The following SIPA1L3 variants were observed in gnomAD, a reference collection of about 807,000 sequenced individuals.
SIPA1L3 encodes the protein signal induced proliferation associated 1 like 3.
In SIPA1L3, 59 loss-of-function variants were observed where a neutral mutation model predicts 150.1. That is an observed-to-expected ratio of 0.39 (90% CI 0.32 to 0.49). The LOEUF is 0.49. Ranked by LOEUF, SIPA1L3 falls within the 20% of genes least tolerant of loss-of-function variation. The pLI, the probability that SIPA1L3 is intolerant of heterozygous loss-of-function variation, is 0.86. For synonymous variants in SIPA1L3, 1,070 were observed against 1,077.6 expected (o/e 0.99, Z 0.14); for missense variants, 2,211 against 2,489.5 (o/e 0.89, Z 2.38).
chr19:37,988,203 G>A (rs1283014260), intron 1 of SIPA1L3, among the ~76,000 whole-genome samples: 1 of 152,180 alleles, frequency 6.6e-6, no homozygotes. Flanking sequence ...CATGGGATCT[G>A]GAGTACCAGC....
At chr19:37,969,895 AT>A (rs1431727275) in intron 1 of SIPA1L3, among the ~76,000 whole-genome samples, 1 of 152,162 alleles carries the variant, frequency 6.6e-6, no homozygotes, top group African/African-American at 2.4e-5. Flanking sequence ...TTATCATAAT[AT>A]TTAATTACAC....
intron 1 of SIPA1L3, among the ~76,000 whole-genome samples, chr19:37,946,295 C>A (rs1444825460): frequency 6.7e-6 from 1 of 149,328 alleles, no homozygotes; most frequent in Non-Finnish European, 1.5e-5. Context: ...CCTCCCCACA[C>A]TTTTTTTTGT....
intron 12 of SIPA1L3, among the ~76,000 whole-genome samples, chr19:38,146,400 A>G (rs1971704990): frequency 6.6e-6 from 1 of 152,182 alleles, no homozygotes; most frequent in African/African-American, 2.4e-5. Flanking sequence ...CTTTGAATCT[A>G]TGCTGCTGGG....
intron 14 of SIPA1L3, among the ~76,000 whole-genome samples, chr19:38,163,255 C>T (rs943402544): frequency 2.6e-5 from 4 of 152,100 alleles, no homozygotes; most frequent in African/African-American, 7.2e-5. Context: ...TTTAGGAGGC[C>T]AAGGCGGACG....
Position 38,164,858 on chromosome 19 carries a change from C to T in SIPA1L3, c.4160C>T (p.Thr1387Ile). 1 of 1,585,174 alleles carries T rather than the reference C, an allele frequency of 6.3e-7. No homozygotes were observed. ...RPKLYSSGSS[T>I]PTGLAGGSRD... ...AAGCTGTACTCCTCCGGCTCCAGCA[C>T]CCCCACGGGACTGGCGGGGGGCAGC... The change falls in exon 15 of 22, where the codon ACC becomes ATC. Residue 1387 changes from threonine to isoleucine, a missense_variant. This residue lies in a region of SIPA1L3 where 806 missense variants were observed against 870.1 expected (regional missense o/e 0.93). Transcript: ENST00000222345. This position sits in a 1 kb window ranked among gnomAD's most constrained non-coding sequence, Gnocchi z 4.1.
chr19:38,112,221 A>G (rs574465368), intron 8 of SIPA1L3, among the ~76,000 whole-genome samples: 4 of 149,666 alleles, frequency 2.7e-5, no homozygotes, highest in South Asian at 4.3e-4. Flanking sequence ...ACACATGCAC[A>G]TAACACATGC....
intron 2 of SIPA1L3, among the ~76,000 whole-genome samples, chr19:38,032,947 G>A (rs1298197677): frequency 2.0e-5 from 3 of 152,188 alleles, no homozygotes; most frequent in East Asian, 1.9e-4. Flanking sequence ...AAGCAGGGAA[G>A]GGGACTGGCC....
intron 1 of SIPA1L3, among the ~76,000 whole-genome samples, chr19:37,919,187 C>G (rs2046437770): frequency 1.3e-5 from 2 of 152,140 alleles, no homozygotes; most frequent in South Asian, 2.1e-4. Context: ...GGCCTTCTAC[C>G]TAAACAGGGC....
At chr19:38,166,749 G>A (rs957102568) in intron 15 of SIPA1L3, among the ~76,000 whole-genome samples, 1 of 151,948 alleles carries the variant, frequency 6.6e-6, no homozygotes, top group Non-Finnish European at 1.5e-5. Context: ...CTGAGTCCCC[G>A]ATAGCCATCA....
intron 1 of SIPA1L3, among the ~76,000 whole-genome samples, chr19:38,008,684 G>A (rs1444167971): frequency 6.6e-6 from 1 of 152,014 alleles, no homozygotes; most frequent in African/African-American, 2.4e-5. Flanking sequence ...AGCCTCTTGA[G>A]TAGCTGTGAC....
At position 38,083,034 on chromosome 19, in the gene SIPA1L3, G is replaced by A. The variant is rs770839637; in HGVS notation, c.1469G>A (p.Arg490Gln). ...CAGCAGCGGACGCAGAGTCGGCCCC[G>A]GCAGTACAGCATCGAGCATGTGGAC... ...KEQQRTQSRP[R>Q]QYSIEHVDLG... Residue 490 changes from arginine (R) to glutamine (Q), a missense_variant, in exon 3 of 22, where the codon CGG becomes CAG. This residue lies in a region of SIPA1L3 where 625 missense variants were observed against 804.2 expected (regional missense o/e 0.78). Coordinates refer to ENST00000222345, the MANE Select transcript of SIPA1L3 (RefSeq NM_015073.3). 6 of 1,613,132 alleles carry A rather than the reference G, an allele frequency of 3.7e-6. No individual in the cohort carries two copies. The highest frequency in any genetic ancestry group is 2.2e-5 in the South Asian group (2 of 91,076).
At chr19:38,006,050 A>G (rs1392982624) in intron 1 of SIPA1L3, among the ~76,000 whole-genome samples, 1 of 152,190 alleles carries the variant, frequency 6.6e-6, no homozygotes, top group African/African-American at 2.4e-5. Context: ...AGAAAAATAA[A>G]AGCACCCAGA....
chr19:38,072,920 G>A (rs1400813974), intron 2 of SIPA1L3, among the ~76,000 whole-genome samples: 1 of 152,176 alleles, frequency 6.6e-6, no homozygotes, highest in African/African-American at 2.4e-5. Flanking sequence ...CTTGCTTGTC[G>A]CAGGGGCAAT....
At chr19:38,193,901 A>C in intron 18 of SIPA1L3, 121 bp downstream of exon 18, 59 of 1,145,242 alleles carry the variant, frequency 5.2e-5, no homozygotes, top group Middle Eastern at 3.0e-4. Context: ...GGGCCATCTC[A>C]GGGAGGAATG....
chr19:38,104,661 T>C (rs1017776276), intron 6 of SIPA1L3, among the ~76,000 whole-genome samples: 6 of 152,180 alleles, frequency 3.9e-5, no homozygotes, highest in Middle Eastern at 3.4e-3. Flanking sequence ...AACCTTCACC[T>C]CCTGGTTTCA....
At chr19:38,005,553 C>T (rs1402309844) in intron 1 of SIPA1L3, among the ~76,000 whole-genome samples, 1 of 152,148 alleles carries the variant, frequency 6.6e-6, no homozygotes, top group African/African-American at 2.4e-5. Flanking sequence ...CAGGGGGTTG[C>T]TCCGAAGCCC....
chr19:38,121,337 C>CTGG (rs1325108760), intron 9 of SIPA1L3, among the ~76,000 whole-genome samples: 1 of 151,720 alleles, frequency 6.6e-6, no homozygotes, highest in East Asian at 1.9e-4. Context: ...ACTTGGGAGG[C>CTGG]TGAGGCAGGA....
chr19:38,206,320 G>C lies in SIPA1L3; in HGVS notation c.*80G>C, dbSNP rs896081281. ...CCTCTCTCCCTCCACTCAGCTCCCA[G>C]CTGCCGGTGTGACCAAGATGACCCA... On this transcript the variant is annotated 3_prime_UTR_variant, in exon 22 of 22. Transcript: ENST00000222345. 4 of 1,460,434 alleles carry C rather than the reference G, an allele frequency of 2.7e-6. No homozygotes were observed. The highest frequency in any genetic ancestry group is 1.8e-6 in the Non-Finnish European group (2 of 1,094,042). The allele number at this position is 1,460,434 out of a possible 1,614,324, so 90.5% of individuals were successfully genotyped here.
chr19:38,151,897 G>C (rs533869785), intron 12 of SIPA1L3, among the ~76,000 whole-genome samples: 11 of 150,906 alleles, frequency 7.3e-5, no homozygotes, highest in Middle Eastern at 7.0e-3. Context: ...GGGAGGCGGA[G>C]GTTGCAGTGA....
Sources: allele counts gnomAD v4.1 joint callset (sites outside exome capture counted in the v4.1 genomes callset), GRCh38; gene constraint gnomAD v4.1.1; regional missense constraint gnomAD v4.1.1; non-coding constraint Gnocchi (gnomAD v3.1); transcripts MANE v1.5; gene names NCBI Gene and HGNC (gene_info 2026-07-23, HGNC 2026-07-21).